Variants in CPEB3 observed in about 807,000 individuals in gnomAD.
The protein encoded by CPEB3 is cytoplasmic polyadenylation element binding protein 3, also known as cytoplasmic polyadenylation element-binding protein 3.
A neutral mutation model predicts 67.2 loss-of-function variants in CPEB3; 20 were observed. The observed-to-expected ratio is 0.30, with a 90% CI of 0.21 to 0.43. CPEB3 has a LOEUF of 0.43. CPEB3 is among the 20% of genes least tolerant of loss of function. CPEB3 has a pLI of 1.00. For synonymous variants in CPEB3, 376 were observed against 393.1 expected (o/e 0.96, Z 0.51); for missense variants, 746 against 968.6 (o/e 0.77, Z 3.05).
intron 6 of CPEB3, among the ~76,000 whole-genome samples, chr10:92,139,398 A>C (rs555588515): frequency 6.6e-6 from 1 of 152,238 alleles, no homozygotes; most frequent in Non-Finnish European, 1.5e-5. Context: ...GAACTGGAGG[A>C]CATTATGATA....
intron 6 of CPEB3, among the ~76,000 whole-genome samples, chr10:92,126,294 C>T (rs553612444): frequency 2.0e-5 from 3 of 152,274 alleles, no homozygotes; most frequent in South Asian, 4.1e-4. Context: ...AGCTCCTGTT[C>T]TTGGACTCCC....
At chr10:92,134,663 C>A (rs1181296558) in intron 6 of CPEB3, among the ~76,000 whole-genome samples, 4 of 151,888 alleles carry the variant, frequency 2.6e-5, no homozygotes, top group Non-Finnish European at 5.9e-5. Context: ...GAAAAAACTA[C>A]TTTAAAGTTC....
chr10:92,221,360 G>T (rs1226754944), intron 2 of CPEB3, among the ~76,000 whole-genome samples: 1 of 152,052 alleles, frequency 6.6e-6, no homozygotes, highest in African/African-American at 2.4e-5. Flanking sequence ...GGGCATGGTG[G>T]CAGGTGCCTG....
chr10:92,290,160 A>T (rs1352795418), intron 1 of CPEB3, among the ~76,000 whole-genome samples: 1 of 152,140 alleles, frequency 6.6e-6, no homozygotes, highest in Non-Finnish European at 1.5e-5. Context: ...CTTGTAGCAG[A>T]TATTAGACAT....
intron 2 of CPEB3, among the ~76,000 whole-genome samples, chr10:92,219,500 G>T (rs1362086401): frequency 1.3e-5 from 2 of 152,116 alleles, no homozygotes; most frequent in Non-Finnish European, 2.9e-5. Flanking sequence ...AGATTTTTCT[G>T]CCTTTAATCC....
At chr10:92,218,401 C>T (rs1850536987) in intron 2 of CPEB3, among the ~76,000 whole-genome samples, 1 of 152,020 alleles carries the variant, frequency 6.6e-6, no homozygotes, top group Admixed American at 6.6e-5. Flanking sequence ...AGCAAGATTC[C>T]ATCTCAAAAC....
At chr10:92,197,309 G>T (rs565607500) in intron 2 of CPEB3, among the ~76,000 whole-genome samples, 30 of 152,122 alleles carry the variant, frequency 2.0e-4, no homozygotes, top group South Asian at 6.2e-4. Context: ...AGTAGTAAAC[G>T]TTGCTGAAAT....
At chr10:92,079,158 G>C (rs150743604) in intron 9 of CPEB3, among the ~76,000 whole-genome samples, 1 of 152,264 alleles carries the variant, frequency 6.6e-6, no homozygotes, top group Non-Finnish European at 1.5e-5. Flanking sequence ...TAGAGGTCTC[G>C]ATGTAATGGA....
chr10:92,054,118 A>G (rs1842025106), intron 9 of CPEB3, among the ~76,000 whole-genome samples: 1 of 152,186 alleles, frequency 6.6e-6, no homozygotes, highest in Non-Finnish European at 1.5e-5. Context: ...AAATGCATAG[A>G]GAATAATTCA....
intron 1 of CPEB3, among the ~76,000 whole-genome samples, chr10:92,255,580 C>T (rs1439490342): frequency 2.0e-5 from 3 of 152,180 alleles, no homozygotes; most frequent in Admixed American, 2.0e-4. Context: ...TGGATTTCTC[C>T]CAAGAGCTTC....
chr10:92,058,616 T>TTA (rs1260132828), intron 9 of CPEB3, among the ~76,000 whole-genome samples: 3 of 149,940 alleles, frequency 2.0e-5, no homozygotes, highest in East Asian at 3.9e-4. Context: ...TATAAATTAA[T>TTA]TATATATATA....
chr10:92,216,255 G>A, intron 2 of CPEB3: 2 of 1,299,020 alleles, frequency 1.5e-6, no homozygotes, highest in South Asian at 1.4e-5. Context: ...GGCCAACATG[G>A]TGAAACCCCA....
At chr10:92,282,643 C>G (rs984903249) in intron 1 of CPEB3, among the ~76,000 whole-genome samples, 2 of 151,922 alleles carry the variant, frequency 1.3e-5, no homozygotes, top group Admixed American at 1.3e-4. Flanking sequence ...CAAGACTGCA[C>G]CACTGTACTC....
At chr10:92,279,050 C>T (rs1842135844) in intron 1 of CPEB3, among the ~76,000 whole-genome samples, 1 of 151,902 alleles carries the variant, frequency 6.6e-6, no homozygotes, top group African/African-American at 2.4e-5. Context: ...GACTAATTGA[C>T]CTGGCTAGAA....
chr10:92,175,351 T>C (rs918838304), intron 4 of CPEB3, among the ~76,000 whole-genome samples: 2 of 151,986 alleles, frequency 1.3e-5, no homozygotes, highest in African/African-American at 4.8e-5. Context: ...TAGTATTCCA[T>C]TGTATGGATG....
intron 8 of CPEB3, among the ~76,000 whole-genome samples, chr10:92,087,025 T>C (rs1473099546): frequency 6.6e-6 from 1 of 152,228 alleles, no homozygotes; most frequent in African/African-American, 2.4e-5. Context: ...TGATACAGGA[T>C]GGTTTCTGCC....
chr10:92,063,989 A>G (rs1482754424), intron 9 of CPEB3, among the ~76,000 whole-genome samples: 1 of 152,172 alleles, frequency 6.6e-6, no homozygotes. Context: ...TTGGGTCAAA[A>G]AAAGAAAGAA....
intron 1 of CPEB3, among the ~76,000 whole-genome samples, chr10:92,247,086 G>C (rs1337014033): frequency 6.6e-6 from 1 of 151,826 alleles, no homozygotes. Context: ...AAAATGACTC[G>C]AACATAAGCA....
chr10:92,109,921 T>G (rs946182119), intron 7 of CPEB3, among the ~76,000 whole-genome samples: 1 of 152,168 alleles, frequency 6.6e-6, no homozygotes. Flanking sequence ...TTGAATCCTA[T>G]GTAGGACTGA....
Sources: allele counts gnomAD v4.1 joint callset (sites outside exome capture counted in the v4.1 genomes callset), GRCh38; gene constraint gnomAD v4.1.1; transcripts MANE v1.5; gene names NCBI Gene and HGNC (gene_info 2026-07-23, HGNC 2026-07-21).